NAV3: variants seen among roughly 807,000 people sequenced by gnomAD.
The protein encoded by NAV3 is pore membrane and/or filament interacting like protein 1.
In NAV3, 87 loss-of-function variants were observed where a neutral mutation model predicts 244.7. The observed-to-expected ratio is 0.36, with a 90% CI of 0.30 to 0.42. The LOEUF is 0.42. NAV3 is among the 20% of genes least tolerant of loss of function. The pLI is 1.00. For missense variants in NAV3, 2,663 were observed against 2,893.3 expected (o/e 0.92, Z 1.83); for synonymous variants, 1,126 against 1,042.2 (o/e 1.08, Z -1.55).
chr12:77,823,869 T>A (rs1290297310), intron 2 of NAV3, among the ~76,000 whole-genome samples: 1 of 152,180 alleles, frequency 6.6e-6, no homozygotes, highest in African/African-American at 2.4e-5. Context: ...ATGCTCCATA[T>A]GTTCAAGAAG....
intron 12 of NAV3, among the ~76,000 whole-genome samples, chr12:78,092,115 G>T (rs1432919405): frequency 6.6e-6 from 1 of 152,128 alleles, no homozygotes; most frequent in African/African-American, 2.4e-5. Context: ...ATATAACCTA[G>T]AATTTTGCAA....
At chr12:78,176,539 T>C in intron 26 of NAV3, 80 bp downstream of exon 26, 1 of 1,296,084 alleles carries the variant, frequency 7.7e-7, no homozygotes, top group Admixed American at 1.8e-5. Flanking sequence ...ATTTTGGCAG[T>C]AGGCTTTTAT....
At chr12:77,581,086 G>T (rs1371674366) in intron 2 of NAV3, among the ~76,000 whole-genome samples, 1 of 152,130 alleles carries the variant, frequency 6.6e-6, no homozygotes, top group Non-Finnish European at 1.5e-5. Context: ...GCTATTACTT[G>T]CCTTTAAGCT....
At chr12:78,198,552 A>T in intron 35 of NAV3, 53 bp from the exon 36 acceptor site, 1 of 1,057,484 alleles carries the variant, frequency 9.5e-7, no homozygotes. Context: ...ATTTTAATGA[A>T]TTAATCACTT....
intron 9 of NAV3, among the ~76,000 whole-genome samples, chr12:78,031,347 G>T (rs532619913): frequency 6.6e-6 from 1 of 152,072 alleles, no homozygotes; most frequent in Admixed American, 6.6e-5. Context: ...TCTTTGGGGA[G>T]AATTCTCTGC....
chr12:77,957,197 A>G (rs1386755733), intron 3 of NAV3, among the ~76,000 whole-genome samples: 1 of 152,208 alleles, frequency 6.6e-6, no homozygotes, highest in Non-Finnish European at 1.5e-5. Context: ...GACAATTTAT[A>G]AATCTTTTCT....
chr12:78,074,742 C>T (rs1276566434), intron 12 of NAV3, among the ~76,000 whole-genome samples: 1 of 152,040 alleles, frequency 6.6e-6, no homozygotes, highest in Admixed American at 6.6e-5. Flanking sequence ...AGATATGACG[C>T]AAGACAGAAT....
At chr12:77,619,371 A>T (rs770747412) in intron 2 of NAV3, among the ~76,000 whole-genome samples, 1 of 152,224 alleles carries the variant, frequency 6.6e-6, no homozygotes, top group Middle Eastern at 3.2e-3. Flanking sequence ...AGGCAGATCA[A>T]GAAATCAGAC....
At chr12:78,125,721 A>G (rs1955878308) in intron 16 of NAV3, among the ~76,000 whole-genome samples, 1 of 152,236 alleles carries the variant, frequency 6.6e-6, no homozygotes, top group African/African-American at 2.4e-5. Context: ...TGATTTGCAG[A>G]AATTGTCTAT....
chr12:78,123,540 A>AC (rs11437932), intron 16 of NAV3, among the ~76,000 whole-genome samples: 2 of 151,738 alleles, frequency 1.3e-5, no homozygotes, highest in African/African-American at 4.8e-5. Flanking sequence ...ACTTTGTAAA[A>AC]ACAAAACCCA....
Position 78,185,601 on chromosome 12 carries a change from A to T in NAV3, c.5693A>T (p.Asp1898Val). ...NLNITEAVSS[D>V]ILLDDAGDAT... ...ATGTCTTTCTTTTAAAATTTGATAG[A>T]TATTTTGCTAGATGATGCTGGTGAT... The change falls in exon 31 of 40, where the codon GAT becomes GTT. Residue 1898 changes from aspartate (D) to valine (V), a missense_variant and splice_region_variant. Asp to Val is a radical substitution (Grantham distance 152). Transcript: ENST00000397909. 2.5e-6 allele frequency: 4 copies of T among 1,607,206 alleles called. No homozygotes were observed. Among genetic ancestry groups the T allele is most frequent in the Non-Finnish European group, 3.4e-6 (4 of 1,176,654 alleles).
chr12:77,834,555 C>T (rs557252030), intron 1 of NAV3, among the ~76,000 whole-genome samples: 1 of 152,242 alleles, frequency 6.6e-6, no homozygotes, highest in African/African-American at 2.4e-5. Flanking sequence ...GAGAGAGACA[C>T]TGTCTCTGCT....
intron 39 of NAV3, among the ~76,000 whole-genome samples, chr12:78,209,954 C>T (rs1230366466): frequency 6.6e-6 from 1 of 152,170 alleles, no homozygotes; most frequent in Non-Finnish European, 1.5e-5. Context: ...TCCATACCCT[C>T]CTTCTCTCAA....
intron 11 of NAV3, among the ~76,000 whole-genome samples, chr12:78,054,904 A>G (rs1282549444): frequency 6.6e-6 from 1 of 152,078 alleles, no homozygotes; most frequent in Non-Finnish European, 1.5e-5. Flanking sequence ...AGATATGAAG[A>G]TTGTTTGTCC....
chr12:77,580,435 AG>A (rs1021104785), intron 2 of NAV3, among the ~76,000 whole-genome samples: 2 of 152,148 alleles, frequency 1.3e-5, no homozygotes, highest in Admixed American at 1.3e-4. Context: ...AGGGAGAATT[AG>A]TGCTTATGAT....
At chr12:77,881,113 C>T (rs1163105409) in intron 1 of NAV3, among the ~76,000 whole-genome samples, 1 of 152,174 alleles carries the variant, frequency 6.6e-6, no homozygotes, top group African/African-American at 2.4e-5. Flanking sequence ...GGCAGAATGC[C>T]TAGATATGTG....
chr12:77,975,799 G>A (rs1868329687), intron 5 of NAV3, among the ~76,000 whole-genome samples: 1 of 149,306 alleles, frequency 6.7e-6, no homozygotes, highest in African/African-American at 2.4e-5. Flanking sequence ...CTGGAGAGAG[G>A]GGAAGATACT....
chr12:77,850,705 A>G lies in NAV3; in HGVS notation c.243+19001A>G, dbSNP rs985939364. Among the ~76,000 whole-genome samples the G allele has an allele frequency of 2.6e-5, 4 of 152,176 alleles. No homozygotes were observed. The East Asian group carries it at 5.8e-4, about 22-fold the overall frequency. On this transcript the variant is annotated intron_variant, in intron 1 of 39. Coordinates refer to ENST00000397909, the MANE Select transcript of NAV3 (RefSeq NM_001024383.2). Reference sequence around the variant, plus strand: ...TCTCTCTTTCTTTCTCATTTTTAAAATGGCTTCTTCAGATGGATGGATACA... The same window carrying G: ...TCTCTCTTTCTTTCTCATTTTTAAAGTGGCTTCTTCAGATGGATGGATACA...
intron 12 of NAV3, among the ~76,000 whole-genome samples, chr12:78,081,665 G>T (rs983997301): frequency 5.3e-5 from 8 of 152,268 alleles, no homozygotes; most frequent in Admixed American, 2.6e-4. Context: ...CTCATCTGAG[G>T]TGTTATGCTG....
Sources: allele counts gnomAD v4.1 joint callset (sites outside exome capture counted in the v4.1 genomes callset), GRCh38; gene constraint gnomAD v4.1.1; transcripts MANE v1.5; gene names NCBI Gene and HGNC (gene_info 2026-07-23, HGNC 2026-07-21).